The following GRID2 variants were observed in gnomAD, a reference collection of about 807,000 sequenced individuals.
The protein encoded by GRID2 is glutamate ionotropic receptor delta type subunit 2, also known as glutamate receptor ionotropic, delta-2.
A neutral mutation model predicts 114.8 loss-of-function variants in GRID2; 33 were observed. The observed-to-expected ratio is 0.29, with a 90% CI of 0.22 to 0.38. GRID2 has a LOEUF of 0.38. GRID2 is among the 10% of genes least tolerant of loss of function. The pLI is 1.00. For synonymous variants in GRID2, 505 were observed against 449.9 expected, an observed-to-expected ratio of 1.12 and a Z score of -1.55; for missense variants, 1,184 against 1,257.7, an observed-to-expected ratio of 0.94 and a Z score of 0.89.
At chr4:93,638,299 A>ATTTTTTTTTTTTTTTT (rs1446023634) in intron 14 of GRID2, among the ~76,000 whole-genome samples, 4 of 84,138 alleles carry the variant, frequency 4.8e-5, no homozygotes, top group Non-Finnish European at 9.8e-5. Flanking sequence ...TAAAACTTGC[A>ATTTTTTTTTTTTTTTT]TCTTTTTTTT....
chr4:92,456,015 T>C (rs1470663567), intron 1 of GRID2, among the ~76,000 whole-genome samples: 2 of 152,156 alleles, frequency 1.3e-5, no homozygotes, highest in African/African-American at 4.8e-5. Flanking sequence ...GTTATATCAG[T>C]TGGTGGACGA....
chr4:93,163,161 T>G (rs1737845565), intron 4 of GRID2, among the ~76,000 whole-genome samples: 1 of 151,492 alleles, frequency 6.6e-6, no homozygotes. Context: ...ATATTAACAT[T>G]TTTCTGTCAA....
At chr4:93,748,059 TAGAAA>T (rs1248156477) in intron 14 of GRID2, among the ~76,000 whole-genome samples, 1 of 152,080 alleles carries the variant, frequency 6.6e-6, no homozygotes, top group African/African-American at 2.4e-5. Flanking sequence ...GATAAACATT[TAGAAA>T]ATTAATAAGT....
chr4:92,672,641 T>C (rs1019829366), intron 2 of GRID2, among the ~76,000 whole-genome samples: 5 of 152,152 alleles, frequency 3.3e-5, no homozygotes, highest in African/African-American at 1.2e-4. Flanking sequence ...GTCTAACATA[T>C]TGCCATTTGT....
chr4:92,611,272 G>T (rs769951749), intron 2 of GRID2, among the ~76,000 whole-genome samples: 38 of 151,308 alleles, frequency 2.5e-4, no homozygotes, highest in Non-Finnish European at 4.4e-4. Flanking sequence ...CAAGATCAAG[G>T]TGCCAGCCAG....
intron 13 of GRID2, among the ~76,000 whole-genome samples, chr4:93,594,767 T>C (rs1173385581): frequency 6.6e-6 from 1 of 152,216 alleles, no homozygotes; most frequent in African/African-American, 2.4e-5. Context: ...GCGCCGTTTT[T>C]TAAGCCCGTC....
intron 13 of GRID2, among the ~76,000 whole-genome samples, chr4:93,599,763 C>A (rs576199274): frequency 6.6e-6 from 1 of 152,224 alleles, no homozygotes; most frequent in South Asian, 2.1e-4. Flanking sequence ...TGGCTTTTCC[C>A]CTGAGCACAC....
rs1008311457 is a variant in GRID2 at position 93,128,027 on chromosome 4, C to CAAAAAAAAAAAAAAAAAA, written c.735+17089_735+17106dup. On this transcript the variant is annotated intron_variant, in intron 4 of 15. Coordinates refer to ENST00000282020, the MANE Select transcript of GRID2 (RefSeq NM_001510.4). Reference sequence around the variant, plus strand: ...CAGAGTAAGACCTTGTCCCCCGCAACAAAAAAAAAAAAAAAAAAAAAAAAA... The same window carrying CAAAAAAAAAAAAAAAAAA: ...CAGAGTAAGACCTTGTCCCCCGCAACAAAAAAAAAAAAAAAAAAAAAAAAAAAAAAAAAAAAAAAAAAA... Among the ~76,000 whole-genome samples the CAAAAAAAAAAAAAAAAAA allele has an allele frequency of 8.9e-4, 18 of 20,326 alleles. 1 individual carries two copies. Among genetic ancestry groups the CAAAAAAAAAAAAAAAAAA allele is most frequent in the African/African-American group, 2.9e-3 (17 of 5,950 alleles). The allele number at this position is 20,326 out of a possible 152,430, so 13.3% of individuals were successfully genotyped here.
intron 1 of GRID2, among the ~76,000 whole-genome samples, chr4:92,354,314 T>C (rs1447982286): frequency 1.3e-5 from 2 of 152,014 alleles, no homozygotes; most frequent in Non-Finnish European, 2.9e-5. Context: ...TTTGACTGTC[T>C]TATAGAGTTC....
intron 8 of GRID2, among the ~76,000 whole-genome samples, chr4:93,339,672 A>G (rs940563572): frequency 1.3e-5 from 2 of 151,696 alleles, no homozygotes; most frequent in Non-Finnish European, 2.9e-5. Flanking sequence ...TCAGGAAAAA[A>G]TTTTTCTTTA....
chr4:92,464,839 G>C (rs922742848), intron 1 of GRID2, among the ~76,000 whole-genome samples: 2 of 152,212 alleles, frequency 1.3e-5, no homozygotes, highest in South Asian at 2.1e-4. Flanking sequence ...CCCAAATCTC[G>C]TGTTGAATTG....
At chr4:93,520,747 T>C (rs1730250642) in intron 13 of GRID2, among the ~76,000 whole-genome samples, 1 of 152,134 alleles carries the variant, frequency 6.6e-6, no homozygotes, top group Non-Finnish European at 1.5e-5. Flanking sequence ...TTTCTCACAT[T>C]CCTCCAAGTG....
intron 8 of GRID2, among the ~76,000 whole-genome samples, chr4:93,313,703 C>T (rs1291817182): frequency 6.6e-6 from 1 of 152,126 alleles, no homozygotes; most frequent in Non-Finnish European, 1.5e-5. Flanking sequence ...TGTGAAGAAA[C>T]ATTTTTAAAG....
chr4:93,010,441 C>G (rs985877629), intron 2 of GRID2, among the ~76,000 whole-genome samples: 1 of 151,920 alleles, frequency 6.6e-6, no homozygotes, highest in Non-Finnish European at 1.5e-5. Flanking sequence ...AACTCAGGAA[C>G]AGCGGAATGG....
At chr4:92,831,502 T>G (rs1020485663) in intron 2 of GRID2, among the ~76,000 whole-genome samples, 2 of 152,060 alleles carry the variant, frequency 1.3e-5, no homozygotes, top group Admixed American at 6.6e-5. Flanking sequence ...CGTTTTTTTT[T>G]TTTTTCAAAC....
intron 1 of GRID2, among the ~76,000 whole-genome samples, chr4:93,803,051 G>C (rs533060936): frequency 6.6e-6 from 1 of 152,220 alleles, no homozygotes. Context: ...CAGCAGTCTG[G>C]AATGAAAGGT....
In GRID2 at chr4:93,216,731, C is replaced by G. The variant is rs1437993919; in HGVS notation, c.790-7C>G. Reference sequence around the variant, plus strand: ...TATCTCTAATTCTTCCACCTCTTATCTTATAGGAAATAAACGATGTGGACG... The same window carrying G: ...TATCTCTAATTCTTCCACCTCTTATGTTATAGGAAATAAACGATGTGGACG... On this transcript the variant is annotated splice_polypyrimidine_tract_variant and splice_region_variant and intron_variant, in intron 5 of 15. Transcript: ENST00000282020. 6.3e-7 allele frequency: 1 copy of G among 1,586,676 alleles called. No individual in the cohort carries two copies. Among genetic ancestry groups the G allele is most frequent in the Admixed American group, 1.7e-5 (1 of 59,764 alleles).
rs201639573 is a variant in GRID2, at chr4:92,667,911, T to C, written c.244+77625T>C. The stretch of plus-strand genomic sequence containing the variant: ...CCAGTTCCTGCACTTCAAGAATTAA[T>C]GTAGCCCTCTTCAAAGATTATGACC... On this transcript the variant is annotated intron_variant, in intron 2 of 15. Coordinates refer to ENST00000282020, the MANE Select transcript of GRID2 (RefSeq NM_001510.4). Among the ~76,000 whole-genome samples, 12 of 151,934 alleles carry C rather than the reference T, an allele frequency of 7.9e-5. No homozygotes were observed. The East Asian group carries it at 2.1e-3, about 27-fold the overall frequency.
intron 14 of GRID2, among the ~76,000 whole-genome samples, chr4:93,638,153 T>C (rs1721584507): frequency 6.6e-6 from 1 of 152,132 alleles, no homozygotes; most frequent in South Asian, 2.1e-4. Context: ...AATGTGTTCA[T>C]TTACTTTTTT....
Sources: gnomAD v4.1 joint callset for allele counts (sites outside exome capture counted in the v4.1 genomes callset) on GRCh38, gnomAD v4.1.1 for gene constraint, MANE v1.5 for transcripts, NCBI Gene and HGNC (gene_info 2026-07-23, HGNC 2026-07-21) for gene names.